The following ZXDC variants were observed in gnomAD, a reference collection of about 807,000 sequenced individuals.
ZXDC encodes zinc finger protein ZXDC.
Under a neutral mutation model 63.6 loss-of-function variants are expected in ZXDC, and 58 were observed. That is an observed-to-expected ratio of 0.91 (90% CI 0.74 to 1.13). The LOEUF (loss-of-function observed/expected upper bound fraction) is 1.13, where lower values mean the gene tolerates loss of function less well. ZXDC is among the 50% of genes most tolerant of loss of function. ZXDC has a pLI of 0.00. For synonymous variants in ZXDC, 561 were observed against 496.1 expected (o/e 1.13, Z -1.74); for missense variants, 1,133 against 1,148.9 (o/e 0.99, Z 0.20).
intron 8 of ZXDC, chr3:126,440,167 C>T (rs1225722157): frequency 2.0e-6 from 2 of 1,005,756 alleles, no homozygotes. Context: ...GCTGGAAGGA[C>T]CAGGGCAGGT....
chr3:126,438,967 G>T (rs905155878), intron 9 of ZXDC, among the ~76,000 whole-genome samples: 1 of 152,162 alleles, frequency 6.6e-6, no homozygotes, highest in Non-Finnish European at 1.5e-5. Context: ...AGTCCCAGGA[G>T]GGGGCTGCCA....
intron 5 of ZXDC, among the ~76,000 whole-genome samples, chr3:126,462,893 T>A (rs909550770): frequency 6.6e-6 from 1 of 152,024 alleles, no homozygotes; most frequent in Non-Finnish European, 1.5e-5. Context: ...GGGGGCCCCC[T>A]AGACGGAGCT....
intron 7 of ZXDC, chr3:126,455,132 A>C (rs1424529303): frequency 1.0e-6 from 1 of 983,812 alleles, no homozygotes; most frequent in African/African-American, 1.7e-5. Flanking sequence ...CAAATGTTGA[A>C]ACCAAAAAAT....
chr3:126,451,798 C>T (rs1243136861), intron 7 of ZXDC: 3 of 985,242 alleles, frequency 3.0e-6, no homozygotes, highest in Admixed American at 1.2e-4. Context: ...GTGGCTGTGC[C>T]TCTGCTGATA....
chr3:126,468,582 A>G (rs1934864207), intron 4 of ZXDC, among the ~76,000 whole-genome samples: 1 of 152,088 alleles, frequency 6.6e-6, no homozygotes, highest in African/African-American at 2.4e-5. Flanking sequence ...AGAGCTCTAC[A>G]GAAACAAATG....
At position 126,461,842 on chromosome 3, in the gene ZXDC, C is replaced by G; in HGVS notation, c.1820G>C (p.Gly607Ala). The G allele has an allele frequency of 1.2e-6, 2 of 1,614,168 alleles. No individual in the cohort carries two copies. The highest frequency in any genetic ancestry group is 1.7e-6 in the Non-Finnish European group (2 of 1,180,024). The change falls in exon 6 of 10, where the codon GGA (glycine) becomes GCA (alanine). Residue 607 changes from glycine to alanine, a missense_variant. Coordinates refer to ENST00000389709, the MANE Select transcript of ZXDC (RefSeq NM_025112.5). ...CAGAGCCACCAGACAGCCTAATGCT[C>G]CTGCACTCACAGTCTGCACGTCATC... ...SVDDVQTVSA[G>A]ALGCLVALPM...
At chr3:126,457,881 G>GT (rs1934369014) in intron 7 of ZXDC, among the ~76,000 whole-genome samples, 1 of 152,042 alleles carries the variant, frequency 6.6e-6, no homozygotes, top group Non-Finnish European at 1.5e-5. Flanking sequence ...ACCACTAAAC[G>GT]TAACTACTAA....
intron 7 of ZXDC, chr3:126,450,205 T>G (rs115794553): frequency 0.039 from 15,476 of 395,384 alleles, 371 homozygotes; most frequent in South Asian, 0.054. Flanking sequence ...CACAGGCAAC[T>G]GCACCTTGCT....
Position 126,452,424 on chromosome 3 carries a change from G to A in ZXDC, c.2212+7229C>T. On this transcript the variant is annotated intron_variant, in intron 7 of 9. Coordinates refer to ENST00000389709, the MANE Select transcript of ZXDC (RefSeq NM_025112.5). ...TGCCATCGAGACAGGTGCAGGAGCC[G>A]AGCACTCCTCCCCACTGCTGTTGCC... 3.0e-6 allele frequency: 3 copies of A among 985,336 alleles called. 1 individual carries two copies. Among genetic ancestry groups the A allele is most frequent in the South Asian group, 9.4e-5 (2 of 21,268 alleles). The allele number at this position is 985,336 out of a possible 1,614,324, so 61.0% of individuals were successfully genotyped here.
At chr3:126,445,841 G>A (rs1451078289) in intron 7 of ZXDC, among the ~76,000 whole-genome samples, 1 of 152,150 alleles carries the variant, frequency 6.6e-6, no homozygotes, top group Non-Finnish European at 1.5e-5. Flanking sequence ...GGTACACCCT[G>A]AAGTCTGGTG....
At chr3:126,455,941 A>G (rs1934289351) in intron 7 of ZXDC, among the ~76,000 whole-genome samples, 1 of 152,010 alleles carries the variant, frequency 6.6e-6, no homozygotes, top group South Asian at 2.1e-4. Context: ...CGGAGCTTGC[A>G]GTGAGCCGAG....
At chr3:126,440,770 C>G in intron 8 of ZXDC, 1 of 986,294 alleles carries the variant, frequency 1.0e-6, no homozygotes, top group Non-Finnish European at 1.2e-6. Context: ...CACAGGGCCA[C>G]CCCCAGCTGC....
chr3:126,453,616 G>A, intron 7 of ZXDC: 3 of 985,436 alleles, frequency 3.0e-6, no homozygotes, highest in African/African-American at 1.7e-5. Context: ...TGAACGTGCA[G>A]GGAAGTCACT....
intron 7 of ZXDC, chr3:126,458,731 T>C (rs1934406742): frequency 1.0e-6 from 1 of 985,468 alleles, no homozygotes; most frequent in Non-Finnish European, 1.2e-6. Context: ...CTTCATGAAC[T>C]TTCCTTGGTA....
chr3:126,466,075 A>G (rs952497821), intron 5 of ZXDC, 80 bp downstream of exon 5: 2 of 1,501,440 alleles, frequency 1.3e-6, no homozygotes, highest in Non-Finnish European at 1.8e-6. Context: ...CAAGAGGTGA[A>G]GAAGGAACAG....
At chr3:126,458,490 G>T (rs148790965) in intron 7 of ZXDC, 1 of 667,048 alleles carries the variant, frequency 1.5e-6, no homozygotes, top group East Asian at 1.4e-4. Context: ...CACCCACCTC[G>T]GCCTCCCAAA....
rs191809888 is a variant in ZXDC, at chr3:126,461,895, C to T, written c.1767G>A (p.Thr589=). ...CACTGAAGCTGCCCTGCTGCAGAAC[C>T]GTGGCTGCTGTCCCGAGAACCAGAG... ...DSPLVLGTAA[T]VLQQGSFSVD... is the part of the protein sequence containing the mutation. The change falls in exon 6 of 10, where the codon ACG becomes ACA. Residue 589 remains threonine, a synonymous_variant. Transcript: ENST00000389709. 2.4e-4 allele frequency: 390 copies of T among 1,614,206 alleles called. No homozygotes were observed. Among genetic ancestry groups the T allele is most frequent in the Admixed American group, 5.5e-4 (33 of 60,028 alleles).
intron 7 of ZXDC, chr3:126,458,619 C>T (rs1478863751): frequency 1.6e-5 from 16 of 985,186 alleles, no homozygotes; most frequent in Non-Finnish European, 1.9e-5. Context: ...ATAGATAGTA[C>T]TCCAAAGCAA....
chr3:126,465,601 G>T (rs1427111693), intron 5 of ZXDC, among the ~76,000 whole-genome samples: 2 of 152,224 alleles, frequency 1.3e-5, no homozygotes, highest in Admixed American at 1.3e-4. Flanking sequence ...AGGCTTAGGG[G>T]ACATATGCTA....
Sources: allele counts gnomAD v4.1 joint callset (sites outside exome capture counted in the v4.1 genomes callset), GRCh38; gene constraint gnomAD v4.1.1; transcripts MANE v1.5; gene names NCBI Gene and HGNC (gene_info 2026-07-23, HGNC 2026-07-21).